The following PRSS55 variants were observed in gnomAD, a reference collection of about 807,000 sequenced individuals.
PRSS55 encodes serine protease 55.
In PRSS55, 41 loss-of-function variants were observed where a neutral mutation model predicts 23.6. The ratio of observed to expected loss-of-function variants is 1.74; its 90% confidence interval spans 1.35 to 2.26. PRSS55 has a LOEUF of 2.26. Among genes scored for constraint, PRSS55 ranks in the 30% most tolerant of loss-of-function variants. The probability of loss-of-function intolerance (pLI) is 0.00; values close to 1 mark genes in which losing one functional copy is unlikely to be tolerated. For synonymous variants in PRSS55, 262 were observed against 175.5 expected, an observed-to-expected ratio of 1.49 and a Z score of -3.90; for missense variants, 669 against 439.1, an observed-to-expected ratio of 1.52 and a Z score of -4.68.
chr8:10,531,640 T>C (rs1036629793), intron 3 of PRSS55, 95 bp downstream of exon 3: 40 of 1,523,606 alleles, frequency 2.6e-5, no homozygotes, highest in Non-Finnish European at 3.4e-5. Flanking sequence ...AGACTTGCAT[T>C]GGAGCAGATT....
chr8:10,533,373 G>A (rs1424017340), intron 4 of PRSS55, among the ~76,000 whole-genome samples: 5 of 152,148 alleles, frequency 3.3e-5, no homozygotes, highest in Non-Finnish European at 5.9e-5. Context: ...TATATAAGAA[G>A]TCATTTTAGT....
chr8:10,527,090 A>G (rs1417517404), intron 1 of PRSS55, among the ~76,000 whole-genome samples: 5 of 152,184 alleles, frequency 3.3e-5, no homozygotes, highest in Non-Finnish European at 7.3e-5. Flanking sequence ...ATAAACCCAC[A>G]TTCTCAACGT....
chr8:10,533,009 G>A lies in PRSS55; in HGVS notation c.702G>A (p.Leu234=). The change falls in exon 4 of 5, where the codon CTG becomes CTA. Residue 234 remains leucine, a synonymous_variant. Coordinates refer to ENST00000328655, the MANE Select transcript of PRSS55 (RefSeq NM_198464.4). ...TTCCAAAACTTACCAAAAATATGCT[G>A]TGTGCCGGATACAAGAATGAGAGCT... ...KMFPKLTKNM[L]CAGYKNESYD... 1 of 1,614,212 alleles carries A rather than the reference G, an allele frequency of 6.2e-7. No homozygotes were observed. The highest frequency in any genetic ancestry group is 1.6e-4 in the Middle Eastern group (1 of 6,062).
intron 4 of PRSS55, among the ~76,000 whole-genome samples, chr8:10,546,972 G>A (rs1232408888): frequency 6.6e-6 from 1 of 152,098 alleles, no homozygotes; most frequent in Non-Finnish European, 1.5e-5. Flanking sequence ...GTGAGCCACG[G>A]TGTCCGACCC....
In PRSS55 at chr8:10,530,838, G is replaced by C. The variant is rs530440927; in HGVS notation, c.348-457G>C. On this transcript the variant is annotated intron_variant, in intron 2 of 4. Coordinates refer to ENST00000328655, the MANE Select transcript of PRSS55 (RefSeq NM_198464.4). ...ATGTGGGCTTATTACTGAAGATCCTGTCTGCTTGGTCAGTGGCAGGTCTAG... is the reference window on the plus strand; with the variant it reads ...ATGTGGGCTTATTACTGAAGATCCTCTCTGCTTGGTCAGTGGCAGGTCTAG... Among the ~76,000 whole-genome samples the C allele has an allele frequency of 2.3e-4, 35 of 152,292 alleles. 2 individuals carry two copies. Among genetic ancestry groups the C allele is most frequent in the Admixed American group, 2.2e-3 (33 of 15,308 alleles).
rs1453062903 is a variant in PRSS55 at position 10,531,150 on chromosome 8, C to T, written c.348-145C>T. 2.2e-5 allele frequency: 22 copies of T among 1,005,638 alleles called. 1 individual carries two copies. The South Asian group carries it at 2.3e-4, about 11-fold the overall frequency. 62.3% of individuals were successfully genotyped at this position (1,005,638 alleles called of 1,614,324 possible). A position where few individuals can be genotyped will look rare whatever the true frequency, so the allele number is the denominator to read the frequency against. ...TTGTTTTTTCCTACCTTTTTCCAATCCTCACACCTTCTGATCAACAGCCCC... is the reference window on the plus strand; with the variant it reads ...TTGTTTTTTCCTACCTTTTTCCAATTCTCACACCTTCTGATCAACAGCCCC... On this transcript the variant is annotated intron_variant, in intron 2 of 4. Transcript: ENST00000328655.
At position 10,538,473 on chromosome 8, in the gene PRSS55, C is replaced by A. The variant is rs56141302; in HGVS notation, c.742-3C>A. On this transcript the variant is annotated splice_region_variant and splice_polypyrimidine_tract_variant and intron_variant, in intron 4 of 4. Coordinates refer to ENST00000328655, the MANE Select transcript of PRSS55 (RefSeq NM_198464.4). ...CCTGCTGAGCTGTGTTCTCTGCCCA[C>A]AGGGTGACAGTGGGGGGCCTCTGGT... 0.084 allele frequency: 134,957 copies of A among 1,609,358 alleles called. 6,161 individuals are homozygous for A. The highest frequency in any genetic ancestry group is 0.093 in the Non-Finnish European group (110,022 of 1,177,440).
downstream of PRSS55, chr8:10,538,873 A>G (rs1348823347): frequency 2.9e-6 from 4 of 1,382,766 alleles, no homozygotes; most frequent in Non-Finnish European, 3.9e-6. Flanking sequence ...TCTGCAGCTC[A>G]GGGCTCAAGG....
chr8:10,529,310 C>T lies in PRSS55; in HGVS notation c.155-197C>T, dbSNP rs548082793. On this transcript the variant is annotated intron_variant, in intron 1 of 4. Transcript: ENST00000328655. Reference sequence around the variant, plus strand: ...TTCTGACTCTATCTGTTGCTGAGCTCTGTGTAGACAAAATAAACCATCTGC... The same window carrying T: ...TTCTGACTCTATCTGTTGCTGAGCTTTGTGTAGACAAAATAAACCATCTGC... 92 of 629,238 alleles carry T rather than the reference C, an allele frequency of 1.5e-4. 1 individual carries two copies. The highest frequency in any genetic ancestry group is 9.9e-4 in the Admixed American group (40 of 40,510). The allele number at this position is 629,238 out of a possible 1,614,324, so 39.0% of individuals were successfully genotyped here.
intron 3 of PRSS55, 53 bp from the exon 4 acceptor site, chr8:10,532,853 C>T (rs548958262): frequency 8.7e-6 from 14 of 1,609,202 alleles, no homozygotes; most frequent in Admixed American, 5.0e-5. Flanking sequence ...GCATCACGAA[C>T]GTGGGGACAT....
chr8:10,551,065 C>T (rs1253451825), intron 4 of PRSS55, among the ~76,000 whole-genome samples: 3 of 152,230 alleles, frequency 2.0e-5, no homozygotes, highest in African/African-American at 7.2e-5. Context: ...ATAGCATACT[C>T]AGAAGGTCCT....
chr8:10,536,084 G>T (rs1385171371), intron 4 of PRSS55, among the ~76,000 whole-genome samples: 1 of 152,140 alleles, frequency 6.6e-6, no homozygotes, highest in Non-Finnish European at 1.5e-5. Context: ...TACTCGGGGG[G>T]CTGAGGCAGG....
intron 4 of PRSS55, among the ~76,000 whole-genome samples, chr8:10,536,449 C>A (rs1585879459): frequency 6.6e-6 from 1 of 152,178 alleles, no homozygotes; most frequent in Non-Finnish European, 1.5e-5. Context: ...CTGTAAAAAG[C>A]AGTTCGTAGA....
downstream of PRSS55, among the ~76,000 whole-genome samples, chr8:10,543,397 TTTTC>T (rs1228151145): frequency 6.2e-5 from 6 of 96,928 alleles, 1 homozygote; most frequent in African/African-American, 2.0e-4. Flanking sequence ...ACAGATTTCT[TTTTC>T]TTTCTTTCTT....
intron 4 of PRSS55, among the ~76,000 whole-genome samples, chr8:10,553,592 A>G (rs1175913635): frequency 1.3e-5 from 2 of 152,232 alleles, no homozygotes; most frequent in Non-Finnish European, 2.9e-5. Context: ...TGGAATCTAA[A>G]AAATGTGAAC....
downstream of PRSS55, among the ~76,000 whole-genome samples, chr8:10,542,720 A>G (rs1463533115): frequency 6.6e-6 from 1 of 151,810 alleles, no homozygotes; most frequent in Non-Finnish European, 1.5e-5. Context: ...ATACAAAAAA[A>G]AAATTAGCTG....
At chr8:10,534,311 A>G (rs1812379965) in intron 4 of PRSS55, among the ~76,000 whole-genome samples, 1 of 152,200 alleles carries the variant, frequency 6.6e-6, no homozygotes, top group Non-Finnish European at 1.5e-5. Context: ...ATCCTCAGGT[A>G]TTTCTTTATA....
chr8:10,535,156 G>A (rs1812412585), intron 4 of PRSS55, among the ~76,000 whole-genome samples: 2 of 152,126 alleles, frequency 1.3e-5, no homozygotes, highest in South Asian at 4.1e-4. Flanking sequence ...ACAATTTACA[G>A]ATTCAATACT....
At position 10,532,762 on chromosome 8, in the gene PRSS55, C is replaced by A. The variant is rs927781293; in HGVS notation, c.599-144C>A. 4.1e-6 allele frequency: 4 copies of A among 971,512 alleles called. No homozygotes were observed. In the African/African-American group the frequency reaches 6.5e-5, roughly 16 times the overall value. The allele number at this position is 971,512 out of a possible 1,614,324, so 60.2% of individuals were successfully genotyped here. ...GGGTAAGTTGCAGGCATGGGGTAAC[C>A]TGAAGGAAGTGAGGGGCTGCAGAGC... On this transcript the variant is annotated intron_variant, in intron 3 of 4. Coordinates refer to ENST00000328655, the MANE Select transcript of PRSS55 (RefSeq NM_198464.4).
Sources: allele counts gnomAD v4.1 joint callset (sites outside exome capture counted in the v4.1 genomes callset), GRCh38; gene constraint gnomAD v4.1.1; transcripts MANE v1.5; gene names NCBI Gene and HGNC (gene_info 2026-07-23, HGNC 2026-07-21).